The following PCGF3 variants were observed in gnomAD, a reference collection of about 807,000 sequenced individuals.
PCGF3 encodes polycomb group RING finger protein 3.
A neutral mutation model predicts 33.1 loss-of-function variants in PCGF3; 7 were observed. The observed-to-expected ratio is 0.21, with a 90% CI of 0.12 to 0.40. PCGF3 has a LOEUF of 0.40. Among genes scored for constraint, PCGF3 ranks in the 10% least tolerant of loss-of-function variants. The pLI is 1.00. For synonymous variants in PCGF3, 153 were observed against 121.3 expected (o/e 1.26, Z -1.72); for missense variants, 211 against 313.3 (o/e 0.67, Z 2.46).
At chr4:752,324 G>A (rs1316324152) in intron 8 of PCGF3, among the ~76,000 whole-genome samples, 1 of 152,226 alleles carries the variant, frequency 6.6e-6, no homozygotes, top group East Asian at 1.9e-4. Flanking sequence ...CTCTTGGTTA[G>A]CCTCAGGTGA....
intron 1 of PCGF3, among the ~76,000 whole-genome samples, chr4:714,013 TCCCCCAGAATCCATGGGGGACCCTAA>T (rs907065443): frequency 1.5e-4 from 23 of 152,260 alleles, no homozygotes; most frequent in African/African-American, 5.5e-4. Flanking sequence ...AACGTCTGTG[TCCCCCAGAATCCATGGGGGACCCTAA>T]CCCCCAAGGT....
chr4:710,070 G>T (rs1025843066), intron 1 of PCGF3, among the ~76,000 whole-genome samples: 1 of 152,204 alleles, frequency 6.6e-6, no homozygotes, highest in Non-Finnish European at 1.5e-5. Flanking sequence ...AGGCCGTGCT[G>T]AGTGGTTGTA....
chr4:722,060 TG>T (rs1436300323), intron 1 of PCGF3, among the ~76,000 whole-genome samples: 2 of 152,112 alleles, frequency 1.3e-5, no homozygotes, highest in African/African-American at 4.8e-5. Context: ...CATCGCGTAG[TG>T]CAGGACACAC....
chr4:729,053 T>G (rs572414240), intron 1 of PCGF3, among the ~76,000 whole-genome samples: 8 of 134,170 alleles, frequency 6.0e-5, no homozygotes, highest in African/African-American at 2.4e-4. Context: ...TGAGCCGAGA[T>G]TGCACCACTG....
At chr4:747,986 G>A (rs1330389317) in intron 8 of PCGF3, among the ~76,000 whole-genome samples, 1 of 152,084 alleles carries the variant, frequency 6.6e-6, no homozygotes, top group African/African-American at 2.4e-5. Flanking sequence ...CATGGCCCAC[G>A]TTTTGTGCCT....
At chr4:723,157 C>T (rs367758952) in intron 1 of PCGF3, among the ~76,000 whole-genome samples, 12 of 152,150 alleles carry the variant, frequency 7.9e-5, no homozygotes, top group Non-Finnish European at 1.3e-4. Context: ...CCGTCCGCGC[C>T]GGGTCCACAC....
chr4:761,965 C>T (rs1367090070), intron 9 of PCGF3: 9 of 985,292 alleles, frequency 9.1e-6, no homozygotes, highest in Middle Eastern at 5.2e-4. Flanking sequence ...GGTCTGGTGT[C>T]GTTTTTGAAA....
intron 8 of PCGF3, among the ~76,000 whole-genome samples, chr4:747,965 G>A (rs1402072755): frequency 6.6e-6 from 1 of 152,108 alleles, no homozygotes; most frequent in Admixed American, 6.5e-5. Flanking sequence ...GGCCGGCTCT[G>A]GCCTCAGCCC....
chr4:764,930 G>A, intron 9 of PCGF3, 54 bp from the exon 10 acceptor site: 1 of 1,233,584 alleles, frequency 8.1e-7, no homozygotes, highest in Non-Finnish European at 1.2e-6. Context: ...AGGTGGCCAT[G>A]TCAGTGTGGG....
At chr4:756,311 G>C (rs562989030) in intron 8 of PCGF3, among the ~76,000 whole-genome samples, 8 of 151,506 alleles carry the variant, frequency 5.3e-5, no homozygotes, top group African/African-American at 1.9e-4. Flanking sequence ...CTCCCTGGTT[G>C]AAGTGAGTCT....
At chr4:706,864 G>A (rs1577388751) in intron 1 of PCGF3, among the ~76,000 whole-genome samples, 1 of 114,568 alleles carries the variant, frequency 8.7e-6, no homozygotes, top group Non-Finnish European at 1.8e-5. Flanking sequence ...TGGGAAGGTC[G>A]CGACCCCAGC....
intron 1 of PCGF3, among the ~76,000 whole-genome samples, chr4:715,333 A>C (rs868661841): frequency 3.8e-4 from 40 of 105,250 alleles, no homozygotes; most frequent in Middle Eastern, 6.1e-3. Flanking sequence ...TGAGTGTGAG[A>C]ACTGGGCGTC....
intron 1 of PCGF3, among the ~76,000 whole-genome samples, chr4:707,447 C>A (rs1370859645): frequency 6.6e-6 from 1 of 151,976 alleles, no homozygotes; most frequent in Non-Finnish European, 1.5e-5. Flanking sequence ...GCCCCGTCTC[C>A]CCCGGGACCC....
intron 9 of PCGF3, chr4:764,622 A>C: frequency 5.1e-6 from 1 of 197,804 alleles, no homozygotes; most frequent in Non-Finnish European, 1.0e-5. Flanking sequence ...GTCAAGAGAA[A>C]AAGGGTTCAG....
At chr4:734,732 G>T in intron 4 of PCGF3, 199 bp from the exon 5 acceptor site, 1 of 1,360,958 alleles carries the variant, frequency 7.3e-7, no homozygotes. Context: ...CCATTGACGG[G>T]GCAATTAAAA....
At chr4:744,557 A>G in intron 7 of PCGF3, 43 bp from the exon 8 acceptor site, 4 of 1,420,564 alleles carry the variant, frequency 2.8e-6, no homozygotes, top group Non-Finnish European at 3.9e-6. Context: ...ATGGCTTGAC[A>G]GTTTGGATTT....
At chr4:717,593 T>C (rs938447540) in intron 1 of PCGF3, among the ~76,000 whole-genome samples, 5 of 152,234 alleles carry the variant, frequency 3.3e-5, no homozygotes, top group African/African-American at 9.6e-5. Context: ...TTGGCCAAGC[T>C]GCTCTCAAGC....
rs948634787 is a variant in PCGF3, at chr4:721,272, G to T, written c.-189-9358G>T. ...GCAGCTTTGTGCCTGTGAATCTCAGGAGCTGTTTTCTGGAAAGTTCCATAA... is the reference window on the plus strand; with the variant it reads ...GCAGCTTTGTGCCTGTGAATCTCAGTAGCTGTTTTCTGGAAAGTTCCATAA... On this transcript the variant is annotated intron_variant, in intron 1 of 10. Coordinates refer to ENST00000362003, the Ensembl canonical transcript of PCGF3. This position sits in a 1 kb window ranked among gnomAD's most constrained non-coding sequence, Gnocchi z 4.1. 3.3e-5 allele frequency among the ~76,000 whole-genome samples: 5 copies of T among 152,156 alleles called. No homozygotes were observed. Among genetic ancestry groups the T allele is most frequent in the Admixed American group, 2.0e-4 (3 of 15,284 alleles).
At chr4:713,301 G>T (rs1420932268) in intron 1 of PCGF3, among the ~76,000 whole-genome samples, 1 of 96,736 alleles carries the variant, frequency 1.0e-5, no homozygotes, top group Non-Finnish European at 2.4e-5. Context: ...GCCTCATGGG[G>T]GCTGTAGCCT....
Sources: gnomAD v4.1 joint callset for allele counts (sites outside exome capture counted in the v4.1 genomes callset) on GRCh38, gnomAD v4.1.1 for gene constraint, Gnocchi (gnomAD v3.1) non-coding constraint, MANE v1.5 for transcripts, NCBI Gene and HGNC (gene_info 2026-07-23, HGNC 2026-07-21) for gene names.